Variants in KLRK1 observed in about 807,000 individuals in gnomAD.
KLRK1 encodes the protein killer cell lectin like receptor K1.
In KLRK1, 40 loss-of-function variants were observed where a neutral mutation model predicts 31.3. The observed-to-expected ratio is 1.28, with a 90% CI of 0.99 to 1.67. The LOEUF is 1.67. KLRK1 is among the 40% of genes most tolerant of loss of function. The pLI is 0.00. For missense variants in KLRK1, 251 were observed against 260.0 expected, an observed-to-expected ratio of 0.97 and a Z score of 0.24; for synonymous variants, 77 against 77.3, an observed-to-expected ratio of 1.00 and a Z score of 0.02.
rs1339565247 is a variant in KLRK1, at chr12:10,379,704, T to C, written c.237A>G (p.Leu79=). ...IMVTIWSAVF[L]NSLFNQEVQI... ...TACTTCTCTGTTGTCACTTACAGTT[T>C]AGGAATACAGCACTCCATATTGTTA... is the stretch of plus-strand genomic sequence containing the variant. Residue 79 remains leucine (L), a synonymous_variant, in exon 4 of 8, where the codon CTA becomes CTG. Coordinates refer to ENST00000240618, the MANE Select transcript of KLRK1 (RefSeq NM_007360.4). 1.2e-6 allele frequency: 2 copies of C among 1,604,710 alleles called. No individual in the cohort carries two copies. The highest frequency in any genetic ancestry group is 2.3e-5 in the South Asian group (2 of 88,026).
intron 5 of KLRK1, chr12:10,379,214 C>CAA (rs10644323): frequency 0.4 from 16,228 of 40,194 alleles, 4,248 homozygotes; most frequent in Non-Finnish European, 0.5. Flanking sequence ...GACCCCATCT[C>CAA]AAAAAAAAAA....
chr12:10,380,059 GTTTTTTTTTTT>G (rs1162094591), intron 3 of KLRK1, among the ~76,000 whole-genome samples: 1 of 83,766 alleles, frequency 1.2e-5, no homozygotes, highest in Non-Finnish European at 2.2e-5. Context: ...TGTTGTTATT[GTTTTTTTTTTT>G]TTTTTTTTTT....
At chr12:10,385,481 T>C (rs1863151667) in intron 3 of KLRK1, among the ~76,000 whole-genome samples, 1 of 151,876 alleles carries the variant, frequency 6.6e-6, no homozygotes, top group African/African-American at 2.4e-5. Flanking sequence ...CAGAAGTACA[T>C]AATGTTACGT....
intron 7 of KLRK1, chr12:10,374,011 G>C (rs530811377): frequency 6.6e-6 from 1 of 152,190 alleles, no homozygotes; most frequent in Non-Finnish European, 1.5e-5. Flanking sequence ...AAGAGTTTTT[G>C]TTTTGTTGTT....
Position 10,379,465 on chromosome 12 carries a change from C to A in KLRK1, c.259G>T (p.Val87Phe), listed in dbSNP as rs1441823702. The A allele has an allele frequency of 6.8e-7, 1 of 1,474,932 alleles. No homozygotes were observed. The highest frequency in any genetic ancestry group is 1.4e-5 in the African/African-American group (1 of 71,346). The allele number at this position is 1,474,932 out of a possible 1,614,324, so 91.4% of individuals were successfully genotyped here. ...CACTTACCGGTCAAGGGAATTTGAACTTCTTGGTTGAATAATGCTATTAAA... is the reference window on the plus strand; with the variant it reads ...CACTTACCGGTCAAGGGAATTTGAAATTCTTGGTTGAATAATGCTATTAAA... ...VFLNSLFNQE[V>F]QIPLTESYCG... is the part of the protein sequence containing the mutation. Residue 87 changes from valine to phenylalanine, a missense_variant, in exon 5 of 8, where the codon GTT (valine) becomes TTT (phenylalanine). Val to Phe is a conservative substitution (Grantham distance 50). Transcript: ENST00000240618.
chr12:10,373,692 ATAAGTGTGTGTGTG>A (rs1464073240), intron 7 of KLRK1, among the ~76,000 whole-genome samples: 2 of 33,310 alleles, frequency 6.0e-5, no homozygotes, highest in Non-Finnish European at 3.1e-4. Context: ...ACAAGTGTGT[ATAAGTGTGTGTGTG>A]TGTGTGTGTG....
At chr12:10,381,300 C>T (rs1251231909) in intron 3 of KLRK1, among the ~76,000 whole-genome samples, 1 of 151,710 alleles carries the variant, frequency 6.6e-6, no homozygotes, top group East Asian at 1.9e-4. Flanking sequence ...CTGTATTAAG[C>T]GAAACTATCC....
At chr12:10,382,343 C>T (rs949653277) in intron 3 of KLRK1, among the ~76,000 whole-genome samples, 1 of 152,044 alleles carries the variant, frequency 6.6e-6, no homozygotes, top group African/African-American at 2.4e-5. Context: ...TTAAAGGAAG[C>T]AAAATTTAAA....
chr12:10,386,825 T>C (rs561602958), intron 3 of KLRK1, 78 bp downstream of exon 3: 6 of 1,020,836 alleles, frequency 5.9e-6, no homozygotes, highest in South Asian at 4.3e-5. Flanking sequence ...AACTGAATGA[T>C]TGCCATTCAT....
intron 3 of KLRK1, 134 bp from the exon 4 acceptor site, chr12:10,379,926 C>T: frequency 1.5e-6 from 1 of 680,826 alleles, no homozygotes; most frequent in Non-Finnish European, 2.2e-6. Context: ...TAATTTTTTC[C>T]AGAACAGAAC....
At chr12:10,377,445 TAAAAGG>T (rs1161549078) in intron 7 of KLRK1, among the ~76,000 whole-genome samples, 1 of 152,160 alleles carries the variant, frequency 6.6e-6, no homozygotes, top group Non-Finnish European at 1.5e-5. Context: ...AATGAAGAGA[TAAAAGG>T]AAATTAACTC....
chr12:10,373,151 G>A lies in KLRK1; in HGVS notation c.614C>T (p.Thr205Ile). Residue 205 changes from threonine (T) to isoleucine (I), a missense_variant, in exon 8 of 8, where the codon ACT becomes ATT. Physicochemically the swap from Thr to Ile is moderately conservative, Grantham distance 89. Transcript: ENST00000240618. ...TTGCATGCAGATGTACGTATTTGGA[G>A]TTGAACAGTTTTCTATATAGCCTTT... ...SFKGYIENCS[T>I]PNTYICMQRT... The A allele has an allele frequency of 6.2e-7, 1 of 1,612,108 alleles. No individual in the cohort carries two copies. Among genetic ancestry groups the A allele is most frequent in the Non-Finnish European group, 8.5e-7 (1 of 1,179,352 alleles).
Position 10,372,647 on chromosome 12 carries a change from A to ATCTCGGTGGTCG in KLRK1, c.*466_*467insCGACCACCGAGA. 1 of 188,108 alleles carries ATCTCGGTGGTCG rather than the reference A, an allele frequency of 5.3e-6. No individual in the cohort carries two copies. Among genetic ancestry groups the ATCTCGGTGGTCG allele is most frequent in the Non-Finnish European group, 1.1e-5 (1 of 93,192 alleles). 11.7% of individuals were successfully genotyped at this position (188,108 alleles called of 1,614,324 possible). Reference sequence around the variant, plus strand: ...CCTCCCTGACCCCGTTGGGTGGAGGACCCATTAAAAGTGGCAGCATGACCC... The same window carrying ATCTCGGTGGTCG: ...CCTCCCTGACCCCGTTGGGTGGAGGATCTCGGTGGTCGCCCATTAAAAGTGGCAGCATGACCC... On this transcript the variant is annotated 3_prime_UTR_variant, in exon 8 of 8. Transcript: ENST00000240618.
intron 7 of KLRK1, 28 bp downstream of exon 7, chr12:10,378,101 AAAG>A (rs1372296167): frequency 2.5e-6 from 4 of 1,585,656 alleles, no homozygotes; most frequent in Admixed American, 1.9e-5. Flanking sequence ...AAAAAATTAA[AAAG>A]AAGAGACTCA....
At chr12:10,373,412 A>G (rs1379971882) in intron 7 of KLRK1, among the ~76,000 whole-genome samples, 181 bp from the exon 8 acceptor site, 3 of 152,332 alleles carry the variant, frequency 2.0e-5, no homozygotes, top group African/African-American at 7.2e-5. Flanking sequence ...AATAAAAATT[A>G]TAAATAATGC....
At chr12:10,382,736 T>C (rs749525614) in intron 3 of KLRK1, among the ~76,000 whole-genome samples, 3 of 152,194 alleles carry the variant, frequency 2.0e-5, no homozygotes, top group Non-Finnish European at 2.9e-5. Flanking sequence ...ACTCAGATCT[T>C]ATGAAGACCA....
chr12:10,378,909 T>C, intron 5 of KLRK1: 1 of 499,868 alleles, frequency 2.0e-6, no homozygotes, highest in East Asian at 4.2e-5. Flanking sequence ...ATCCTAGCAC[T>C]TTGGGAGGCC....
At chr12:10,379,026 C>T (rs890533820) in intron 5 of KLRK1, 5 of 197,760 alleles carry the variant, frequency 2.5e-5, no homozygotes, top group Non-Finnish European at 1.0e-5. Context: ...TGGTGGCTCA[C>T]GCCTGCAGTC....
chr12:10,384,933 G>A (rs937947970), intron 3 of KLRK1, among the ~76,000 whole-genome samples: 3 of 151,862 alleles, frequency 2.0e-5, no homozygotes, highest in Non-Finnish European at 4.4e-5. Flanking sequence ...ATGAGCAAAG[G>A]ATCTGAATAG....
Sources: gnomAD v4.1 joint callset for allele counts (sites outside exome capture counted in the v4.1 genomes callset) on GRCh38, gnomAD v4.1.1 for gene constraint, MANE v1.5 for transcripts, NCBI Gene and HGNC (gene_info 2026-07-23, HGNC 2026-07-21) for gene names.